Variants in LARGE1 observed in about 807,000 individuals in gnomAD.
LARGE1 encodes the protein LARGE xylosyl- and glucuronyltransferase 1.
Under a neutral mutation model 87.6 loss-of-function variants are expected in LARGE1, and 43 were observed. The observed-to-expected ratio is 0.49, with a 90% CI of 0.38 to 0.63. The LOEUF (loss-of-function observed/expected upper bound fraction) is 0.63, where lower values mean the gene tolerates loss of function less well. LARGE1 is among the 30% of genes least tolerant of loss of function. The pLI, the probability that LARGE1 is intolerant of heterozygous loss-of-function variation, is 0.00. For synonymous variants in LARGE1, 434 were observed against 394.6 expected, an observed-to-expected ratio of 1.10 and a Z score of -1.18; for missense variants, 802 against 1,000.2, an observed-to-expected ratio of 0.80 and a Z score of 2.67.
chr22:33,358,694 G>C (rs924056932), intron 9 of LARGE1, among the ~76,000 whole-genome samples: 1 of 152,032 alleles, frequency 6.6e-6, no homozygotes, highest in African/African-American at 2.4e-5. Flanking sequence ...CTCTGAGTCT[G>C]TTGTTTAAAA....
intron 1 of LARGE1, among the ~76,000 whole-genome samples, chr22:33,848,407 T>C (rs2063492449): frequency 1.6e-5 from 2 of 125,700 alleles, no homozygotes; most frequent in African/African-American, 5.8e-5. Flanking sequence ...ACTGAGAGTC[T>C]TTGGCCAGCC....
chr22:33,613,152 A>G (rs1468644615), intron 4 of LARGE1, among the ~76,000 whole-genome samples: 2 of 152,220 alleles, frequency 1.3e-5, no homozygotes, highest in Non-Finnish European at 2.9e-5. Flanking sequence ...ATATTGTCTC[A>G]GCAATCAAAG....
At position 33,604,519 on chromosome 22, in the gene LARGE1, A is replaced by G; in HGVS notation, c.531T>C (p.Ile177=). 6.2e-7 allele frequency: 1 copy of G among 1,614,044 alleles called. No individual in the cohort carries two copies. The highest frequency in any genetic ancestry group is 1.1e-5 in the South Asian group (1 of 91,076). The change falls in exon 5 of 15, where the codon ATT becomes ATC. Residue 177 remains isoleucine, a synonymous_variant. Coordinates refer to ENST00000397394, the MANE Select transcript of LARGE1 (RefSeq NM_133642.5). ...AGAGCGTGGCCAGGATCTGCTCCGC[A>G]ATGGAGTCAGCAATAAGGTGGAAGT... is the stretch of plus-strand genomic sequence containing the variant. ...PLHFHLIADS[I]AEQILATLFQ... is the part of the protein sequence containing the mutation.
At chr22:33,525,133 C>T (rs1472235027) in intron 6 of LARGE1, among the ~76,000 whole-genome samples, 1 of 152,124 alleles carries the variant, frequency 6.6e-6, no homozygotes, top group African/African-American at 2.4e-5. Flanking sequence ...ATAATTAGGG[C>T]ACGGAGGAAG....
rs115034502 is a variant in LARGE1, at chr22:33,902,942, G to A, written c.-83+17053C>T. Reference sequence around the variant, plus strand: ...AGGTCAGGGGTTCAAGACCAGCCTGGCTAACATGGCGAAAGCTTGTCTCTA... The same window carrying A: ...AGGTCAGGGGTTCAAGACCAGCCTGACTAACATGGCGAAAGCTTGTCTCTA... On this transcript the variant is annotated intron_variant, in intron 1 of 14. Transcript: ENST00000397394. 8.3e-3 allele frequency among the ~76,000 whole-genome samples: 1,270 copies of A among 152,240 alleles called. 19 individuals carry two copies. The highest frequency in any genetic ancestry group is 0.028 in the African/African-American group (1,160 of 41,538).
chr22:33,644,731 A>T (rs1295232876), intron 3 of LARGE1, among the ~76,000 whole-genome samples: 1 of 152,224 alleles, frequency 6.6e-6, no homozygotes, highest in Admixed American at 6.5e-5. Flanking sequence ...TACAAAACCA[A>T]GGTGAAAAAA....
At chr22:33,320,034 C>T (rs1388579868) in intron 10 of LARGE1, among the ~76,000 whole-genome samples, 1 of 152,106 alleles carries the variant, frequency 6.6e-6, no homozygotes, top group Non-Finnish European at 1.5e-5. Flanking sequence ...ATTTGCTGTC[C>T]CTGCCTATTT....
At chr22:33,455,757 C>CAAAA (rs35353034) in intron 6 of LARGE1, among the ~76,000 whole-genome samples, 10,111 of 63,942 alleles carry the variant, frequency 0.16, 517 homozygotes, top group Middle Eastern at 0.22. Context: ...CTGTCTCAGC[C>CAAAA]AAAAAAAAAA....
At chr22:33,472,507 G>A (rs2068888694) in intron 6 of LARGE1, among the ~76,000 whole-genome samples, 1 of 152,062 alleles carries the variant, frequency 6.6e-6, no homozygotes, top group Non-Finnish European at 1.5e-5. Flanking sequence ...GTTTTTTGTT[G>A]TTGCTATAAT....
chr22:33,835,604 G>A (rs2146365607), intron 1 of LARGE1, among the ~76,000 whole-genome samples: 1 of 152,342 alleles, frequency 6.6e-6, no homozygotes, highest in South Asian at 2.1e-4. Context: ...TCATGCTAAA[G>A]ACTTGCTGGC....
At chr22:33,193,623 G>C (rs560580386) in intron 11 of LARGE1, among the ~76,000 whole-genome samples, 1 of 152,146 alleles carries the variant, frequency 6.6e-6, no homozygotes, top group African/African-American at 2.4e-5. Flanking sequence ...TTCAAGACCA[G>C]CCTGGGCAAC....
intron 11 of LARGE1, among the ~76,000 whole-genome samples, chr22:33,258,858 A>G (rs1241832319): frequency 6.7e-6 from 1 of 149,810 alleles, no homozygotes; most frequent in African/African-American, 2.5e-5. Flanking sequence ...GTAGGCCTTG[A>G]TATAAACTTT....
rs145629358 is a variant in LARGE1 at position 33,257,423 on chromosome 22, T to TAAAACA, written c.1730+46800_1730+46805dup. On this transcript the variant is annotated intron_variant, in intron 11 of 11. Transcript: ENST00000608642. ...CCTGTAGTCCTAGCTACTTGGAAGG[T>TAAAACA]AAAACAAAAACAAAAACAAAAACAA... Among the ~76,000 whole-genome samples, 99 of 139,846 alleles carry TAAAACA rather than the reference T, an allele frequency of 7.1e-4. 1 individual carries two copies. In the South Asian group the frequency reaches 9.3e-3, roughly 13 times the overall value. 91.7% of individuals were successfully genotyped at this position (139,846 alleles called of 152,430 possible).
intron 6 of LARGE1, among the ~76,000 whole-genome samples, chr22:33,519,134 C>T (rs886683841): frequency 7.2e-5 from 11 of 152,176 alleles, no homozygotes; most frequent in Admixed American, 2.6e-4. Flanking sequence ...TGGATATGCT[C>T]AAGCTGAAGA....
intron 2 of LARGE1, among the ~76,000 whole-genome samples, chr22:33,692,069 A>G (rs1450738547): frequency 6.6e-6 from 1 of 152,110 alleles, no homozygotes; most frequent in Non-Finnish European, 1.5e-5. Context: ...TTAAAATTAT[A>G]AATTATAATT....
chr22:33,539,070 T>C (rs1436937053), intron 6 of LARGE1, among the ~76,000 whole-genome samples: 2 of 152,216 alleles, frequency 1.3e-5, no homozygotes, highest in African/African-American at 2.4e-5. Context: ...AAAATATTGT[T>C]TTAATTGCTC....
chr22:33,409,656 T>C (rs1474456804), intron 7 of LARGE1, among the ~76,000 whole-genome samples: 1 of 151,960 alleles, frequency 6.6e-6, no homozygotes. Context: ...GGTCAGGAGA[T>C]TGAGACTATC....
At chr22:33,640,663 C>G (rs1413272035) in intron 3 of LARGE1, among the ~76,000 whole-genome samples, 19 of 152,256 alleles carry the variant, frequency 1.2e-4, no homozygotes, top group Non-Finnish European at 2.9e-5. Flanking sequence ...CCCACAGAGC[C>G]CAGCAAGCTA....
At chr22:33,119,897 C>T in the LARGE1 span, among the ~76,000 whole-genome samples, 11 of 152,146 alleles carry the variant, frequency 7.2e-5, no homozygotes, top group African/African-American at 2.2e-4. Context: ...CTCTGATAAT[C>T]GAGGTGTCTC....
Sources: gnomAD v4.1 joint callset for allele counts (sites outside exome capture counted in the v4.1 genomes callset) on GRCh38, gnomAD v4.1.1 for gene constraint, MANE v1.5 for transcripts, NCBI Gene and HGNC (gene_info 2026-07-23, HGNC 2026-07-21) for gene names.